NFATC1: variants seen among roughly 807,000 people sequenced by gnomAD.
NFATC1 encodes the protein nuclear factor of activated T-cells, cytoplasmic 1.
In NFATC1, 22 loss-of-function variants were observed where a neutral mutation model predicts 76.0. The observed-to-expected ratio is 0.29, with a 90% CI of 0.21 to 0.41. The LOEUF is 0.41. Among genes scored for constraint, NFATC1 ranks in the 10% least tolerant of loss-of-function variants. The pLI is 1.00. For synonymous variants in NFATC1, 704 were observed against 613.1 expected, an observed-to-expected ratio of 1.15 and a Z score of -2.19; for missense variants, 1,357 against 1,337.7, an observed-to-expected ratio of 1.01 and a Z score of -0.23.
At chr18:79,522,318 G>C (rs546183938) in intron 9 of NFATC1, among the ~76,000 whole-genome samples, 10 of 124,688 alleles carry the variant, frequency 8.0e-5, no homozygotes, top group African/African-American at 2.8e-4. Context: ...GGCGCCTGCT[G>C]ATGTGTGTGT....
At chr18:79,408,177 C>A (rs2085507226) in intron 1 of NFATC1, among the ~76,000 whole-genome samples, 1 of 152,106 alleles carries the variant, frequency 6.6e-6, no homozygotes. Context: ...ATTTTGAGAC[C>A]CTAGATTTTT....
chr18:79,446,749 G>A (rs2087223032), intron 3 of NFATC1, among the ~76,000 whole-genome samples: 1 of 152,174 alleles, frequency 6.6e-6, no homozygotes, highest in African/African-American at 2.4e-5. Context: ...GCAGAGTTAC[G>A]TGGTCTTAGC....
At chr18:79,422,861 T>G (rs1442494322) in intron 2 of NFATC1, 1 of 152,144 alleles carries the variant, frequency 6.6e-6, no homozygotes, top group East Asian at 1.9e-4. Flanking sequence ...AAGCGTGCTC[T>G]GGCCCACACG....
intron 9 of NFATC1, among the ~76,000 whole-genome samples, chr18:79,520,395 G>A (rs925330332): frequency 1.3e-4 from 19 of 144,892 alleles, no homozygotes; most frequent in Admixed American, 7.2e-5. Context: ...TGGCAGCTCC[G>A]ACATCCTGCT....
At chr18:79,444,704 CGGCACTGCACACACA>C (rs2087126141) in intron 3 of NFATC1, among the ~76,000 whole-genome samples, 1 of 151,874 alleles carries the variant, frequency 6.6e-6, no homozygotes, top group African/African-American at 2.4e-5. Context: ...CAGACCACAC[CGGCACTGCACACACA>C]GGCACCCCCG....
chr18:79,464,533 A>T (rs1029652145), intron 7 of NFATC1, among the ~76,000 whole-genome samples: 8 of 151,502 alleles, frequency 5.3e-5, no homozygotes, highest in Non-Finnish European at 7.4e-5. Context: ...TCACCAACTG[A>T]GACATAACCA....
At chr18:79,412,638 G>A (rs1463524514) in intron 2 of NFATC1, among the ~76,000 whole-genome samples, 4 of 152,202 alleles carry the variant, frequency 2.6e-5, no homozygotes, top group Non-Finnish European at 4.4e-5. Context: ...GAGCACGCAT[G>A]GACAGAATTA....
At position 79,440,320 on chromosome 18, in the gene NFATC1, G is replaced by T. The variant is rs576516576; in HGVS notation, c.1386+6582G>T. Among the ~76,000 whole-genome samples, 3 of 152,228 alleles carry T rather than the reference G, an allele frequency of 2.0e-5. No homozygotes were observed. In the South Asian group the frequency reaches 6.2e-4, roughly 32 times the overall value. On this transcript the variant is annotated intron_variant, in intron 3 of 9. Coordinates refer to ENST00000427363, the MANE Select transcript of NFATC1 (RefSeq NM_001278669.2). Reference sequence around the variant, plus strand: ...AGGAGGCTTTCCTAGGTAGAGAGGGGTCTGCACGCCCACTGGAACATGCTC... The same window carrying T: ...AGGAGGCTTTCCTAGGTAGAGAGGGTTCTGCACGCCCACTGGAACATGCTC...
intron 9 of NFATC1, among the ~76,000 whole-genome samples, chr18:79,499,175 T>C (rs1410714291): frequency 6.6e-6 from 1 of 152,210 alleles, no homozygotes; most frequent in Non-Finnish European, 1.5e-5. Flanking sequence ...ACAATGTGCT[T>C]ATAACAATTT....
intron 8 of NFATC1, chr18:79,468,074 G>C: frequency 1.2e-6 from 1 of 850,366 alleles, no homozygotes; most frequent in South Asian, 5.4e-5. Flanking sequence ...ACTTCTCCAG[G>C]GGTAACTTCA....
At chr18:79,512,578 C>G (rs1197408837) in intron 9 of NFATC1, among the ~76,000 whole-genome samples, 1 of 152,200 alleles carries the variant, frequency 6.6e-6, no homozygotes, top group Non-Finnish European at 1.5e-5. Context: ...GAGGAGATGC[C>G]TGCAGTCGGC....
intron 9 of NFATC1, among the ~76,000 whole-genome samples, chr18:79,504,197 G>A (rs1000440091): frequency 6.6e-5 from 10 of 152,212 alleles, no homozygotes; most frequent in Non-Finnish European, 1.3e-4. Context: ...TTGGACTGGC[G>A]CGGGAGGCTG....
At chr18:79,447,635 T>C (rs1385672163) in intron 3 of NFATC1, among the ~76,000 whole-genome samples, 1 of 152,150 alleles carries the variant, frequency 6.6e-6, no homozygotes, top group African/African-American at 2.4e-5. Flanking sequence ...GGGAAGGCAC[T>C]CTGAACGAGG....
intron 4 of NFATC1, 84 bp downstream of exon 4, chr18:79,449,068 G>A: frequency 1.4e-6 from 2 of 1,390,160 alleles, no homozygotes; most frequent in Non-Finnish European, 2.0e-6. Context: ...GGTCTGGCCA[G>A]CCCCCCGCAC....
chr18:79,462,726 A>G (rs935301567), intron 7 of NFATC1, among the ~76,000 whole-genome samples: 1 of 150,940 alleles, frequency 6.6e-6, no homozygotes, highest in Non-Finnish European at 1.5e-5. Context: ...CATGGCTCAC[A>G]AGGGAGTTTT....
intron 9 of NFATC1, among the ~76,000 whole-genome samples, chr18:79,511,358 C>T (rs567267966): frequency 6.6e-6 from 1 of 152,202 alleles, no homozygotes; most frequent in African/African-American, 2.4e-5. Context: ...CCTCGCCACA[C>T]GATGGGTCAT....
At chr18:79,509,901 C>T (rs561569387) in intron 9 of NFATC1, among the ~76,000 whole-genome samples, 7 of 152,318 alleles carry the variant, frequency 4.6e-5, no homozygotes, top group South Asian at 4.1e-4. Flanking sequence ...GTGTCCTCGG[C>T]GCCAGGTACC....
intron 8 of NFATC1, among the ~76,000 whole-genome samples, chr18:79,478,566 C>T (rs1323865557): frequency 6.6e-6 from 1 of 152,180 alleles, no homozygotes; most frequent in African/African-American, 2.4e-5. Flanking sequence ...GGGATGGCAG[C>T]CCATTTTCCA....
At chr18:79,457,267 T>C (rs531133519) in intron 6 of NFATC1, among the ~76,000 whole-genome samples, 1 of 152,286 alleles carries the variant, frequency 6.6e-6, no homozygotes, top group Non-Finnish European at 1.5e-5. Flanking sequence ...CGTGTCTTCC[T>C]CATGCCCTGA....
Sources: allele counts gnomAD v4.1 joint callset (sites outside exome capture counted in the v4.1 genomes callset), GRCh38; gene constraint gnomAD v4.1.1; transcripts MANE v1.5; gene names NCBI Gene and HGNC (gene_info 2026-07-23, HGNC 2026-07-21).